The following TMEM87A variants were observed in gnomAD, a reference collection of about 807,000 sequenced individuals.
The protein encoded by TMEM87A is transmembrane protein 87A.
A neutral mutation model predicts 90.0 loss-of-function variants in TMEM87A; 50 were observed. The observed-to-expected ratio is 0.56, with a 90% confidence interval of 0.44 to 0.70. The LOEUF (loss-of-function observed/expected upper bound fraction) is 0.70, where lower values mean the gene tolerates loss of function less well. Among genes scored for constraint, TMEM87A ranks in the 30% least tolerant of loss-of-function variants. The pLI, the probability that TMEM87A is intolerant of heterozygous loss-of-function variation, is 0.00. For synonymous variants in TMEM87A, 226 were observed against 226.7 expected (o/e 1.00, Z 0.03); for missense variants, 577 against 660.5 (o/e 0.87, Z 1.39).
chr15:42,255,059 G>C (rs1330288426), intron 6 of TMEM87A, among the ~76,000 whole-genome samples: 1 of 151,452 alleles, frequency 6.6e-6, no homozygotes, highest in Non-Finnish European at 1.5e-5. Flanking sequence ...TGACCTCCTG[G>C]GCTCAAGTGA....
chr15:42,272,805 G>A (rs1229005472), intron 1 of TMEM87A: 3 of 382,710 alleles, frequency 7.8e-6, no homozygotes, highest in South Asian at 3.9e-5. Flanking sequence ...AAGCGAAGTC[G>A]AACCATCTCG....
chr15:42,242,306 T>C (rs113823831), intron 7 of TMEM87A, among the ~76,000 whole-genome samples: 9,801 of 152,050 alleles, frequency 0.064, 403 homozygotes, highest in South Asian at 0.16. Context: ...CATGGGATCA[T>C]TGAAGCTAGT....
chr15:42,242,048 C>CAG (rs2050880570), intron 7 of TMEM87A, among the ~76,000 whole-genome samples: 1 of 130,584 alleles, frequency 7.7e-6, no homozygotes, highest in Non-Finnish European at 1.6e-5. Flanking sequence ...GCCTGGGTGA[C>CAG]AGAGTGAGAC....
chr15:42,225,946 C>T (rs1420263869), intron 15 of TMEM87A, among the ~76,000 whole-genome samples: 1 of 152,054 alleles, frequency 6.6e-6, no homozygotes, highest in Non-Finnish European at 1.5e-5. Flanking sequence ...TTGCAGCAAC[C>T]CTATGTCAAG....
intron 12 of TMEM87A, among the ~76,000 whole-genome samples, chr15:42,229,415 T>C (rs2050650019): frequency 6.6e-6 from 1 of 151,058 alleles, no homozygotes; most frequent in South Asian, 2.1e-4. Context: ...AGAGGCTTTC[T>C]AGAGAAACAA....
chr15:42,225,967 G>C (rs1323100668), intron 15 of TMEM87A, among the ~76,000 whole-genome samples: 1 of 152,042 alleles, frequency 6.6e-6, no homozygotes, highest in Non-Finnish European at 1.5e-5. Context: ...GAAGTCTATT[G>C]GTGCCATTTT....
chr15:42,244,660 A>G (rs1031437177), intron 6 of TMEM87A, among the ~76,000 whole-genome samples: 1 of 150,066 alleles, frequency 6.7e-6, no homozygotes, highest in Non-Finnish European at 1.5e-5. Context: ...TCACATTTAT[A>G]TCAAAAATTT....
At chr15:42,216,852 G>GA (rs138207593) in intron 19 of TMEM87A, among the ~76,000 whole-genome samples, 7,546 of 149,776 alleles carry the variant, frequency 0.05, 617 homozygotes, top group African/African-American at 0.17. Flanking sequence ...AAGGCTTCCT[G>GA]AAAAAAAACA....
At chr15:42,257,819 T>C in intron 6 of TMEM87A, 2 of 632,026 alleles carry the variant, frequency 3.2e-6, no homozygotes, top group Non-Finnish European at 3.9e-6. Flanking sequence ...GGTGAAGTAG[T>C]ATTCAATGTA....
intron 12 of TMEM87A, among the ~76,000 whole-genome samples, 162 bp downstream of exon 12, chr15:42,231,030 T>A (rs943462518): frequency 1.3e-5 from 2 of 152,086 alleles, no homozygotes; most frequent in Non-Finnish European, 2.9e-5. Context: ...CAAAAAAAAC[T>A]GCTTACCTGA....
At chr15:42,214,883 G>A (rs1285119397) in intron 19 of TMEM87A, among the ~76,000 whole-genome samples, 1 of 152,010 alleles carries the variant, frequency 6.6e-6, no homozygotes, top group Non-Finnish European at 1.5e-5. Flanking sequence ...AGCAAGGGAA[G>A]CACACAACAG....
intron 7 of TMEM87A, among the ~76,000 whole-genome samples, chr15:42,242,007 C>CAATG (rs918190172): frequency 4.9e-5 from 7 of 141,994 alleles, no homozygotes; most frequent in Middle Eastern, 3.8e-3. Context: ...TCAGAGGTTG[C>CAATG]AATGAGTCAA....
At chr15:42,271,872 AGAG>A (rs540665274) in intron 2 of TMEM87A, among the ~76,000 whole-genome samples, 188 bp downstream of exon 2, 241 of 151,794 alleles carry the variant, frequency 1.6e-3, no homozygotes, top group African/African-American at 5.7e-3. Flanking sequence ...CAGAAAAACA[AGAG>A]AAGAAAATAA....
intron 6 of TMEM87A, chr15:42,258,307 G>A (rs1595742586): frequency 1.4e-6 from 1 of 700,152 alleles, no homozygotes; most frequent in Non-Finnish European, 1.8e-6. Flanking sequence ...AAAAGAATAG[G>A]AAGATAAATA....
intron 7 of TMEM87A, 83 bp from the exon 8 acceptor site, chr15:42,239,814 T>C (rs1040763028): frequency 1.7e-6 from 2 of 1,171,504 alleles, no homozygotes; most frequent in Middle Eastern, 2.0e-4. Flanking sequence ...TTAATGAACT[T>C]AGTAAGAATT....
intron 14 of TMEM87A, 151 bp from the exon 15 acceptor site, chr15:42,227,060 G>A (rs781686259): frequency 3.9e-5 from 26 of 666,200 alleles, no homozygotes; most frequent in Non-Finnish European, 5.7e-5. Context: ...GGTAAGTGTG[G>A]GGAAACAAAG....
chr15:42,261,363 AT>A, intron 4 of TMEM87A, 114 bp from the exon 5 acceptor site: 1 of 715,240 alleles, frequency 1.4e-6, no homozygotes, highest in Non-Finnish European at 2.2e-6. Flanking sequence ...ACTAGTAAAT[AT>A]AATAACACAG....
At chr15:42,231,146 AGGG>A in intron 12 of TMEM87A, 43 bp downstream of exon 12, 1 of 1,539,832 alleles carries the variant, frequency 6.5e-7, no homozygotes, top group South Asian at 1.2e-5. Flanking sequence ...ACCCATCTCA[AGGG>A]GAGAAAATGG....
intron 6 of TMEM87A, 102 bp downstream of exon 6, chr15:42,260,856 C>A (rs2051273748): frequency 1.5e-6 from 2 of 1,307,918 alleles, no homozygotes; most frequent in East Asian, 2.4e-5. Context: ...ATTTAACTTT[C>A]TTTTCAAATA....
Sources: allele counts gnomAD v4.1 joint callset (sites outside exome capture counted in the v4.1 genomes callset), GRCh38; gene constraint gnomAD v4.1.1; transcripts MANE v1.5; gene names NCBI Gene and HGNC (gene_info 2026-07-23, HGNC 2026-07-21).